SNAPC3: variants seen among roughly 807,000 people sequenced by gnomAD.
The protein encoded by SNAPC3 is snRNA-activating protein complex subunit 3.
SNAPC3 carries 56 observed loss-of-function variants against 47.7 expected under a neutral mutation model. The observed-to-expected ratio is 1.18, with a 90% CI of 0.95 to 1.47. The LOEUF (loss-of-function observed/expected upper bound fraction) is 1.47, where lower values mean the gene tolerates loss of function less well. Ranked by LOEUF, SNAPC3 falls within the 40% of genes most tolerant of loss-of-function variation. The pLI is 0.00. For synonymous variants in SNAPC3, 235 were observed against 189.9 expected (o/e 1.24, Z -1.95); for missense variants, 665 against 511.3 (o/e 1.30, Z -2.90).
intron 2 of SNAPC3, among the ~76,000 whole-genome samples, chr9:15,431,002 C>T (rs1477194471): frequency 6.6e-6 from 1 of 152,176 alleles, no homozygotes; most frequent in African/African-American, 2.4e-5. Context: ...ACTAGCACAT[C>T]CTTAAGCTTT....
At chr9:15,446,083 AG>A (rs977795212) in intron 4 of SNAPC3, among the ~76,000 whole-genome samples, 7 of 152,240 alleles carry the variant, frequency 4.6e-5, no homozygotes, top group Non-Finnish European at 1.0e-4. Context: ...ATTTTAAGAC[AG>A]TCTTGCTAAA....
At chr9:15,442,610 A>G (rs1380472072) in intron 3 of SNAPC3, among the ~76,000 whole-genome samples, 1 of 144,470 alleles carries the variant, frequency 6.9e-6, no homozygotes, top group Non-Finnish European at 1.5e-5. Context: ...ATCTCAGACA[A>G]TGGGCGGCCG....
chr9:15,464,941 T>C (rs547427764), downstream of SNAPC3: 2 of 215,070 alleles, frequency 9.3e-6, no homozygotes, highest in Admixed American at 1.2e-4. Flanking sequence ...AAAAAAACCA[T>C]ACAGAGCACA....
rs57744583 is a variant in SNAPC3 at position 15,435,844 on chromosome 9, C to CTTTTTTTTTT, written c.477+2215_477+2224dup. Among the ~76,000 whole-genome samples, 6 of 123,822 alleles carry CTTTTTTTTTT rather than the reference C, an allele frequency of 4.8e-5. 1 individual carries two copies. Among genetic ancestry groups the CTTTTTTTTTT allele is most frequent in the Non-Finnish European group, 6.4e-5 (4 of 62,256 alleles). The allele number at this position is 123,822 out of a possible 152,430, so 81.2% of individuals were successfully genotyped here. On this transcript the variant is annotated intron_variant, in intron 3 of 8. Coordinates refer to ENST00000380821, the MANE Select transcript of SNAPC3 (RefSeq NM_001039697.2). Reference sequence around the variant, plus strand: ...GTTGTCTTTTTACTTACTTTTCTTTCTTTTTTTTTTTTTTTTGAGACAGAG... The same window carrying CTTTTTTTTTT: ...GTTGTCTTTTTACTTACTTTTCTTTCTTTTTTTTTTTTTTTTTTTTTTTTTTGAGACAGAG...
rs1468115683 is a variant in SNAPC3, at chr9:15,451,384, A to T, written c.797A>T (p.Glu266Val). 6.5e-7 allele frequency: 1 copy of T among 1,543,174 alleles called. No individual in the cohort carries two copies. Among genetic ancestry groups the T allele is most frequent in the East Asian group, 2.3e-5 (1 of 44,306 alleles). The change falls in exon 6 of 9, where the codon GAA becomes GTA. Residue 266 changes from glutamate to valine, a missense_variant. Glu to Val is a moderately radical substitution (Grantham distance 121). Coordinates refer to ENST00000380821, the MANE Select transcript of SNAPC3 (RefSeq NM_001039697.2). The part of the protein sequence containing the change: ...GTFYNDKRYP[E>V]CRDLSRTIIE... ...TTTTATAATGATAAAAGATACCCAG[A>T]ATGCAGAGATTTGAGCAGGTATAGT...
chr9:15,431,720 C>T (rs1368567390), intron 2 of SNAPC3, among the ~76,000 whole-genome samples: 1 of 152,060 alleles, frequency 6.6e-6, no homozygotes, highest in Non-Finnish European at 1.5e-5. Flanking sequence ...ATATTTTTCA[C>T]ACACCCCAAA....
chr9:15,432,996 G>GTT (rs2032354382), intron 2 of SNAPC3, among the ~76,000 whole-genome samples: 1 of 152,148 alleles, frequency 6.6e-6, no homozygotes, highest in South Asian at 2.1e-4. Context: ...AACATCACTA[G>GTT]TAAGATGTCA....
intron 2 of SNAPC3, among the ~76,000 whole-genome samples, chr9:15,432,770 T>C (rs1273021966): frequency 1.3e-5 from 2 of 152,122 alleles, no homozygotes; most frequent in East Asian, 3.9e-4. Context: ...AATGAATAAA[T>C]GTAGAAGAAA....
At position 15,459,795 on chromosome 9, in the gene SNAPC3, T is replaced by C. The variant is rs571833572; in HGVS notation, c.1165T>C (p.Tyr389His). The C allele has an allele frequency of 2.9e-5, 47 of 1,613,400 alleles. No homozygotes were observed. In the Admixed American group the frequency reaches 3.3e-4, roughly 11 times the overall value. The change falls in exon 9 of 9, where the codon TAT (tyrosine) becomes CAT (histidine). Residue 389 changes from tyrosine to histidine, a missense_variant. Transcript: ENST00000380821. Reference protein sequence around the residue: ...FCDVCFRMLHYDSEGNKLGEF... With the variant: ...FCDVCFRMLHHDSEGNKLGEF... ...TGATGTTTGCTTCCGAATGCTGCAC[T>C]ATGATTCAGAAGGCAACAAACTGGG...
chr9:15,462,406 A>G (rs370490149), downstream of SNAPC3: 10 of 152,234 alleles, frequency 6.6e-5, no homozygotes, highest in East Asian at 7.7e-4. Context: ...AGTTCAAGTC[A>G]AAAGAAATTC....
intron 2 of SNAPC3, among the ~76,000 whole-genome samples, chr9:15,427,574 T>C (rs1317355312): frequency 3.3e-5 from 5 of 152,160 alleles, no homozygotes; most frequent in Non-Finnish European, 7.4e-5. Flanking sequence ...AGTCTCAAAC[T>C]CCTGACCTCA....
At chr9:15,443,316 G>T (rs2033661265) in intron 3 of SNAPC3, among the ~76,000 whole-genome samples, 1 of 152,146 alleles carries the variant, frequency 6.6e-6, no homozygotes, top group African/African-American at 2.4e-5. Context: ...TCCAATGTCT[G>T]GGCTTCCTCA....
intron 3 of SNAPC3, among the ~76,000 whole-genome samples, chr9:15,435,360 G>A (rs1304731206): frequency 6.6e-6 from 1 of 152,118 alleles, no homozygotes; most frequent in Admixed American, 6.6e-5. Context: ...ATCACCTGAG[G>A]TCAGGAGTTC....
intron 3 of SNAPC3, among the ~76,000 whole-genome samples, chr9:15,436,602 T>C (rs1355261674): frequency 6.6e-6 from 1 of 152,196 alleles, no homozygotes; most frequent in African/African-American, 2.4e-5. Context: ...TTCATGTTTT[T>C]CAAGATTGTT....
At chr9:15,462,858 C>T (rs528865627), downstream of SNAPC3, 3 of 152,234 alleles carry the variant, frequency 2.0e-5, no homozygotes, top group South Asian at 6.2e-4. Flanking sequence ...TTTGCTATTT[C>T]CATTAGAGCA....
At chr9:15,463,109 A>G (rs993585111), downstream of SNAPC3, 1 of 152,018 alleles carries the variant, frequency 6.6e-6, no homozygotes, top group Non-Finnish European at 1.5e-5. Context: ...AGTTGTTCAC[A>G]TACCAAATCC....
chr9:15,452,606 C>A (rs2034475721), intron 6 of SNAPC3, among the ~76,000 whole-genome samples: 1 of 152,186 alleles, frequency 6.6e-6, no homozygotes, highest in South Asian at 2.1e-4. Context: ...GTGTGAGCCA[C>A]CATGCCCAGC....
At chr9:15,439,732 C>T (rs1006184938) in intron 3 of SNAPC3, among the ~76,000 whole-genome samples, 5 of 152,132 alleles carry the variant, frequency 3.3e-5, no homozygotes, top group Non-Finnish European at 5.9e-5. Flanking sequence ...CAGGGTTTCA[C>T]CATGTTGGCC....
chr9:15,435,434 G>A (rs2032671802), intron 3 of SNAPC3, among the ~76,000 whole-genome samples: 2 of 152,204 alleles, frequency 1.3e-5, no homozygotes, highest in Admixed American at 6.5e-5. Flanking sequence ...TTAGCCGGGC[G>A]TGGTGGCATC....
Sources: allele counts gnomAD v4.1 joint callset (sites outside exome capture counted in the v4.1 genomes callset), GRCh38; gene constraint gnomAD v4.1.1; transcripts MANE v1.5; gene names NCBI Gene and HGNC (gene_info 2026-07-23, HGNC 2026-07-21).